Variants in TTC29 observed in about 807,000 individuals in gnomAD.
The protein encoded by TTC29 is tetratricopeptide repeat protein 29.
Under a neutral mutation model 58.1 loss-of-function variants are expected in TTC29, and 49 were observed. The observed-to-expected ratio is 0.84, with a 90% CI of 0.67 to 1.07. The LOEUF is 1.07. TTC29 is among the 50% of genes least tolerant of loss of function. The pLI is 0.00. For synonymous variants in TTC29, 209 were observed against 196.8 expected, an observed-to-expected ratio of 1.06 and a Z score of -0.52; for missense variants, 582 against 555.6, an observed-to-expected ratio of 1.05 and a Z score of -0.48.
chr4:146,919,601 T>C (rs967278941), intron 4 of TTC29, among the ~76,000 whole-genome samples: 2 of 151,128 alleles, frequency 1.3e-5, no homozygotes, highest in Non-Finnish European at 3.0e-5. Flanking sequence ...GAATATGATA[T>C]TCACTCTGTT....
At chr4:146,789,723 G>A (rs1008614304) in intron 11 of TTC29, among the ~76,000 whole-genome samples, 1 of 151,718 alleles carries the variant, frequency 6.6e-6, no homozygotes, top group Non-Finnish European at 1.5e-5. Context: ...GTTCTGTTTT[G>A]TCAAACTCTT....
intron 11 of TTC29, among the ~76,000 whole-genome samples, chr4:146,781,163 T>C (rs2150087595): frequency 6.6e-6 from 1 of 152,064 alleles, no homozygotes; most frequent in Non-Finnish European, 1.5e-5. Flanking sequence ...GAAATACACC[T>C]GTCAGTATAG....
chr4:146,710,637 T>C (rs1249247053), intron 11 of TTC29, among the ~76,000 whole-genome samples: 1 of 152,146 alleles, frequency 6.6e-6, no homozygotes, highest in Admixed American at 6.6e-5. Flanking sequence ...TTGAGATGTT[T>C]GATCTGTAGG....
intron 10 of TTC29, among the ~76,000 whole-genome samples, chr4:146,812,375 T>A (rs141200836): frequency 1.3e-5 from 2 of 152,196 alleles, no homozygotes; most frequent in Non-Finnish European, 2.9e-5. Flanking sequence ...TTTCCAGTTA[T>A]TTTTATATGT....
At chr4:146,810,987 T>A (rs1453285805) in intron 10 of TTC29, among the ~76,000 whole-genome samples, 1 of 152,238 alleles carries the variant, frequency 6.6e-6, no homozygotes, top group East Asian at 1.9e-4. Flanking sequence ...CCCATGTTCA[T>A]ATGCCATTCT....
chr4:146,783,076 CTTAT>C (rs370070311), intron 11 of TTC29, among the ~76,000 whole-genome samples: 91 of 152,020 alleles, frequency 6.0e-4, no homozygotes, highest in South Asian at 3.7e-3. Flanking sequence ...TTCTTTTTAA[CTTAT>C]TTGTTTATTT....
intron 11 of TTC29, among the ~76,000 whole-genome samples, chr4:146,734,939 A>G (rs1744608740): frequency 6.6e-6 from 1 of 152,114 alleles, no homozygotes; most frequent in African/African-American, 2.4e-5. Flanking sequence ...TGTTGAGATC[A>G]GTCACTAAAG....
chr4:146,750,250 G>A (rs765275392), intron 11 of TTC29, among the ~76,000 whole-genome samples: 8 of 152,146 alleles, frequency 5.3e-5, no homozygotes, highest in African/African-American at 9.6e-5. Context: ...CTTGTGATCC[G>A]CCCGCCTCGG....
At chr4:146,927,080 C>CAAAAAAAAAAAAAAA (rs55786171) in intron 4 of TTC29, among the ~76,000 whole-genome samples, 2 of 110,086 alleles carry the variant, frequency 1.8e-5, no homozygotes, top group Admixed American at 9.9e-5. Flanking sequence ...GACCCCATCT[C>CAAAAAAAAAAAAAAA]AAAAAAAAAA....
At chr4:146,929,767 A>G (rs892435108) in intron 4 of TTC29, among the ~76,000 whole-genome samples, 46 of 152,140 alleles carry the variant, frequency 3.0e-4, no homozygotes, top group African/African-American at 1.1e-3. Flanking sequence ...GCAAGGAAGA[A>G]GAGGAAGAAG....
At chr4:146,841,343 C>T (rs1728837734) in intron 8 of TTC29, among the ~76,000 whole-genome samples, 1 of 152,092 alleles carries the variant, frequency 6.6e-6, no homozygotes, top group Non-Finnish European at 1.5e-5. Flanking sequence ...CAGCACTGTG[C>T]ATGCACAGCT....
At chr4:146,781,263 T>G (rs999427483) in intron 11 of TTC29, among the ~76,000 whole-genome samples, 1 of 151,936 alleles carries the variant, frequency 6.6e-6, no homozygotes, top group African/African-American at 2.4e-5. Context: ...GTATATGGCT[T>G]GACATATTTC....
intron 11 of TTC29, among the ~76,000 whole-genome samples, chr4:146,713,111 C>CGGGTGTGTGT (rs1742634926): frequency 7.2e-6 from 1 of 139,546 alleles, no homozygotes; most frequent in Non-Finnish European, 1.5e-5. Context: ...GAGAATTGAT[C>CGGGTGTGTGT]GTGTGTGTGT....
chr4:146,790,416 T>A (rs191952440), intron 11 of TTC29, among the ~76,000 whole-genome samples: 65 of 152,248 alleles, frequency 4.3e-4, no homozygotes, highest in Admixed American at 1.4e-3. Flanking sequence ...CTTGATCTCC[T>A]GACCTTGTGA....
chr4:146,727,536 A>C (rs1206151378), intron 11 of TTC29, among the ~76,000 whole-genome samples: 1 of 152,212 alleles, frequency 6.6e-6, no homozygotes, highest in East Asian at 1.9e-4. Context: ...CGATTTTTGA[A>C]AATCTTTTCC....
intron 4 of TTC29, among the ~76,000 whole-genome samples, chr4:146,924,825 T>G (rs1354179846): frequency 6.6e-6 from 1 of 152,028 alleles, no homozygotes; most frequent in Non-Finnish European, 1.5e-5. Flanking sequence ...ATATTTATAT[T>G]TTTCTAATAC....
At chr4:146,917,720 TTATATAAAATTA>T (rs1341521856) in intron 4 of TTC29, among the ~76,000 whole-genome samples, 5 of 145,856 alleles carry the variant, frequency 3.4e-5, no homozygotes, top group African/African-American at 1.2e-4. Context: ...GATACACAAT[TTATATAAAATTA>T]TATATAAAAA....
chr4:146,760,363 A>G (rs565651821), intron 11 of TTC29, among the ~76,000 whole-genome samples: 3 of 152,076 alleles, frequency 2.0e-5, no homozygotes, highest in African/African-American at 7.2e-5. Context: ...CCATAATGCC[A>G]AAAGCAATCT....
chr4:146,759,909 C>T (rs1156506315), intron 11 of TTC29, among the ~76,000 whole-genome samples: 1 of 152,058 alleles, frequency 6.6e-6, no homozygotes, highest in Non-Finnish European at 1.5e-5. Flanking sequence ...CACTCCTCTT[C>T]CACATAGTAC....
Sources: allele counts gnomAD v4.1 joint callset (sites outside exome capture counted in the v4.1 genomes callset), GRCh38; gene constraint gnomAD v4.1.1; transcripts MANE v1.5; gene names NCBI Gene and HGNC (gene_info 2026-07-23, HGNC 2026-07-21).